ZFHX3: variants seen among roughly 807,000 people sequenced by gnomAD.
The protein encoded by ZFHX3 is zinc finger homeobox 3.
A neutral mutation model predicts 279.1 loss-of-function variants in ZFHX3; 42 were observed. The observed-to-expected ratio is 0.15, with a 90% confidence interval of 0.12 to 0.19. The LOEUF (loss-of-function observed/expected upper bound fraction) is 0.19. Among genes scored for constraint, ZFHX3 ranks in the 10% least tolerant of loss-of-function variants. The probability of loss-of-function intolerance (pLI) is 1.00; values close to 1 mark genes in which losing one functional copy is unlikely to be tolerated. For missense variants in ZFHX3, 4,981 were observed against 4,754.0 expected, an observed-to-expected ratio of 1.05 and a Z score of -1.40; for synonymous variants, 2,293 against 1,957.8, an observed-to-expected ratio of 1.17 and a Z score of -4.52.
chr16:73,845,956 C>T (rs536122620), intron 1 of ZFHX3, among the ~76,000 whole-genome samples: 24 of 152,244 alleles, frequency 1.6e-4, no homozygotes, highest in East Asian at 1.4e-3. Flanking sequence ...TGAACACAGG[C>T]ATGTGCCACT....
At chr16:73,842,819 G>A (rs1230986231) in intron 1 of ZFHX3, among the ~76,000 whole-genome samples, 1 of 152,090 alleles carries the variant, frequency 6.6e-6, no homozygotes, top group Non-Finnish European at 1.5e-5. Flanking sequence ...TGCAGAGGGA[G>A]CTGCCCCCTC....
intron 2 of ZFHX3, among the ~76,000 whole-genome samples, chr16:73,590,575 G>A (rs78035750): frequency 0.028 from 4,218 of 152,204 alleles, 189 homozygotes; most frequent in African/African-American, 0.096. Context: ...CATTTCTGAT[G>A]ACACTAGCCA....
intron 3 of ZFHX3, among the ~76,000 whole-genome samples, chr16:73,326,512 A>C (rs2015691915): frequency 6.6e-6 from 1 of 152,214 alleles, no homozygotes; most frequent in Non-Finnish European, 1.5e-5. Flanking sequence ...CCAGACACAA[A>C]GGACCACATA....
At chr16:72,880,140 C>T (rs1160809855) in intron 4 of ZFHX3, among the ~76,000 whole-genome samples, 1 of 152,128 alleles carries the variant, frequency 6.6e-6, no homozygotes, top group African/African-American at 2.4e-5. Flanking sequence ...CAGTTCTGTC[C>T]GAGGCGACTT....
Position 73,118,885 on chromosome 16 carries a change from G to T in ZFHX3, c.-897+12083C>A, listed in dbSNP as rs115072249. ...CTATCCTCCACCTTAGCAGTATCCA[G>T]ATTTTCCTTCAGGTAATTACATCCC... On this transcript the variant is annotated intron_variant, in intron 7 of 17. Transcript: ENST00000641206. Among the ~76,000 whole-genome samples, 1,195 of 152,274 alleles carry T rather than the reference G, an allele frequency of 7.8e-3. 9 individuals carry two copies. Among genetic ancestry groups the T allele is most frequent in the African/African-American group, 0.028 (1,156 of 41,552 alleles).
At chr16:73,219,952 G>T (rs1290562802) in intron 5 of ZFHX3, among the ~76,000 whole-genome samples, 1 of 152,120 alleles carries the variant, frequency 6.6e-6, no homozygotes, top group Non-Finnish European at 1.5e-5. Flanking sequence ...CAGGTGTGGT[G>T]ACACGTGCCT....
chr16:72,848,280 C>T (rs1049022201), intron 4 of ZFHX3, among the ~76,000 whole-genome samples: 8 of 152,132 alleles, frequency 5.3e-5, no homozygotes, highest in Admixed American at 2.0e-4. Context: ...TTTCTCGGAG[C>T]GCATTGTACT....
intron 3 of ZFHX3, among the ~76,000 whole-genome samples, chr16:73,385,921 T>C (rs867146820): frequency 2.4e-4 from 36 of 152,036 alleles, no homozygotes; most frequent in African/African-American, 8.7e-4. Context: ...GTCAGGTGGC[T>C]GGGCAGGATG....
chr16:73,596,302 C>T (rs2052049554), intron 2 of ZFHX3, among the ~76,000 whole-genome samples: 1 of 152,130 alleles, frequency 6.6e-6, no homozygotes, highest in African/African-American at 2.4e-5. Flanking sequence ...GGATTACAGG[C>T]GTGAGCCAAC....
At chr16:73,297,992 C>A (rs1354133903) in intron 4 of ZFHX3, among the ~76,000 whole-genome samples, 4 of 151,128 alleles carry the variant, frequency 2.6e-5, no homozygotes, top group Non-Finnish European at 5.9e-5. Context: ...TGAGACCAGC[C>A]TGGGCAACAT....
intron 2 of ZFHX3, among the ~76,000 whole-genome samples, chr16:73,616,548 G>A (rs1324463239): frequency 1.3e-5 from 2 of 151,582 alleles, no homozygotes; most frequent in East Asian, 3.9e-4. Context: ...CTCACTAGTG[G>A]ACCTATTGTT....
intron 1 of ZFHX3, among the ~76,000 whole-genome samples, chr16:73,890,929 A>G (rs917599772): frequency 2.0e-5 from 3 of 151,360 alleles, no homozygotes; most frequent in South Asian, 2.1e-4. Context: ...GGTGACATCA[A>G]TCAACTGTGT....
At chr16:73,486,062 G>A (rs1597354452) in intron 2 of ZFHX3, among the ~76,000 whole-genome samples, 2 of 152,188 alleles carry the variant, frequency 1.3e-5, no homozygotes, top group Non-Finnish European at 2.9e-5. Flanking sequence ...AATGTCATCT[G>A]ATTATTCAGA....
At chr16:72,858,262 C>A (rs138817198) in intron 4 of ZFHX3, among the ~76,000 whole-genome samples, 142 of 152,344 alleles carry the variant, frequency 9.3e-4, no homozygotes, top group African/African-American at 2.7e-3. Context: ...TTATTTATTT[C>A]TTCCTTCACG....
At chr16:73,080,997 C>T (rs939358287) in intron 8 of ZFHX3, among the ~76,000 whole-genome samples, 1 of 152,196 alleles carries the variant, frequency 6.6e-6, no homozygotes, top group African/African-American at 2.4e-5. Flanking sequence ...GTTTTCAGGT[C>T]CAAGGTCAAG....
chr16:72,918,010 T>C (rs1402062748), intron 3 of ZFHX3, among the ~76,000 whole-genome samples: 2 of 149,358 alleles, frequency 1.3e-5, no homozygotes, highest in African/African-American at 5.1e-5. Flanking sequence ...CTTCCCCAGG[T>C]TGAGGGGACA....
chr16:73,043,860 A>G (rs987730629), intron 1 of ZFHX3, among the ~76,000 whole-genome samples: 2 of 152,200 alleles, frequency 1.3e-5, no homozygotes, highest in African/African-American at 4.8e-5. Context: ...TCAACTTTAA[A>G]TCATAGAGAA....
intron 1 of ZFHX3, among the ~76,000 whole-genome samples, chr16:73,057,842 G>A (rs1965592518): frequency 1.3e-5 from 2 of 150,446 alleles, no homozygotes; most frequent in Admixed American, 6.6e-5. Flanking sequence ...GCCCCAGCGC[G>A]GAAGGCGCTC....
At chr16:73,873,924 A>G (rs1471637740) in intron 1 of ZFHX3, among the ~76,000 whole-genome samples, 1 of 152,026 alleles carries the variant, frequency 6.6e-6, no homozygotes, top group East Asian at 1.9e-4. Flanking sequence ...GCAGCACCAC[A>G]TGCCTCCAAC....
Sources: gnomAD v4.1 joint callset for allele counts (sites outside exome capture counted in the v4.1 genomes callset) on GRCh38, gnomAD v4.1.1 for gene constraint, MANE v1.5 for transcripts, NCBI Gene and HGNC (gene_info 2026-07-23, HGNC 2026-07-21) for gene names.